CSGALNACT1: variants seen among roughly 807,000 people sequenced by gnomAD.
The protein encoded by CSGALNACT1 is beta4GalNAcT-1.
A neutral mutation model predicts 51.0 loss-of-function variants in CSGALNACT1; 52 were observed. The ratio of observed to expected loss-of-function variants is 1.02; its 90% CI spans 0.82 to 1.29. The LOEUF (loss-of-function observed/expected upper bound fraction) is 1.29, where lower values mean the gene tolerates loss of function less well. CSGALNACT1 is among the 50% of genes most tolerant of loss of function. CSGALNACT1 has a pLI of 0.00. For synonymous variants in CSGALNACT1, 341 were observed against 254.4 expected, an observed-to-expected ratio of 1.34 and a Z score of -3.24; for missense variants, 935 against 679.2, an observed-to-expected ratio of 1.38 and a Z score of -4.19.
chr8:19,472,912 A>G (rs995931313), intron 4 of CSGALNACT1, among the ~76,000 whole-genome samples: 3 of 152,212 alleles, frequency 2.0e-5, no homozygotes, highest in Non-Finnish European at 4.4e-5. Flanking sequence ...TATATGTAAA[A>G]CATTCATGCC....
rs191032068 is a variant in CSGALNACT1, at chr8:19,482,686, C to G, written c.634+22515G>C. On this transcript the variant is annotated intron_variant, in intron 4 of 9. Transcript: ENST00000454498. ...TGCCTATAACATAATTGTGGGTGGT[C>G]CTCAAAGTTCCGATCACAGATCGCT... is the stretch of plus-strand genomic sequence containing the variant. Among the ~76,000 whole-genome samples the G allele has an allele frequency of 3.5e-4, 53 of 152,248 alleles. No homozygotes were observed. The Middle Eastern group carries it at 0.01, about 29-fold the overall frequency.
intron 3 of CSGALNACT1, among the ~76,000 whole-genome samples, chr8:19,565,833 C>T (rs750968168): frequency 1.3e-5 from 2 of 152,208 alleles, no homozygotes; most frequent in Admixed American, 1.3e-4. Context: ...ATCGCTTGAA[C>T]CCAGGAGGCA....
chr8:19,726,383 C>G (rs1034275169), intron 1 of CSGALNACT1, among the ~76,000 whole-genome samples: 1 of 152,072 alleles, frequency 6.6e-6, no homozygotes, highest in Non-Finnish European at 1.5e-5. Context: ...TATACAACTA[C>G]TGTTGTGAAA....
chr8:19,547,093 A>T (rs562187427), intron 3 of CSGALNACT1, among the ~76,000 whole-genome samples: 17 of 152,228 alleles, frequency 1.1e-4, no homozygotes, highest in African/African-American at 3.9e-4. Context: ...AACAAATATA[A>T]AGTGATATCC....
chr8:19,566,800 A>T (rs1003855612), intron 3 of CSGALNACT1, among the ~76,000 whole-genome samples: 2 of 152,202 alleles, frequency 1.3e-5, no homozygotes, highest in Non-Finnish European at 2.9e-5. Flanking sequence ...GAGGATAACA[A>T]CAGGCTACCC....
intron 3 of CSGALNACT1, among the ~76,000 whole-genome samples, chr8:19,557,538 C>T (rs970092179): frequency 6.6e-6 from 1 of 152,152 alleles, no homozygotes; most frequent in Non-Finnish European, 1.5e-5. Flanking sequence ...GCCACACAGG[C>T]CTATTCGTTG....
upstream of CSGALNACT1, among the ~76,000 whole-genome samples, chr8:19,685,414 T>A (rs1270344852): frequency 1.3e-5 from 2 of 152,154 alleles, no homozygotes; most frequent in African/African-American, 4.8e-5. Flanking sequence ...ATGGGAGGAT[T>A]GCCAGAGGCT....
At chr8:19,623,350 A>C (rs1050730308) in intron 1 of CSGALNACT1, among the ~76,000 whole-genome samples, 3 of 152,236 alleles carry the variant, frequency 2.0e-5, no homozygotes, top group African/African-American at 7.2e-5. Context: ...CACAGAGGAA[A>C]CAGGAAAAAC....
At chr8:19,586,908 C>T (rs528733921) in intron 3 of CSGALNACT1, among the ~76,000 whole-genome samples, 2 of 152,140 alleles carry the variant, frequency 1.3e-5, no homozygotes, top group Non-Finnish European at 2.9e-5. Context: ...TATTTGATCA[C>T]GAAATTCTTC....
rs531554637 is a variant in CSGALNACT1, at chr8:19,735,137, A to G, written c.-297+22713T>C. On this transcript the variant is annotated intron_variant, in intron 1 of 1. Transcript: ENST00000517494. ...ATGCAGCAGCCTTAGGAGGTAAATT[A>G]GAAAAATATGATTCAAGAAAGCAAG... is the stretch of plus-strand genomic sequence containing the variant. 2.0e-5 allele frequency among the ~76,000 whole-genome samples: 3 copies of G among 152,292 alleles called. No homozygotes were observed. The South Asian group carries it at 6.2e-4, about 32-fold the overall frequency.
chr8:19,557,074 T>C (rs2039625713), intron 3 of CSGALNACT1, among the ~76,000 whole-genome samples: 1 of 152,140 alleles, frequency 6.6e-6, no homozygotes. Context: ...TAAAATGCTT[T>C]ATTCAGGTGA....
intron 1 of CSGALNACT1, among the ~76,000 whole-genome samples, chr8:19,619,504 G>A (rs928490805): frequency 2.6e-5 from 4 of 151,998 alleles, no homozygotes; most frequent in Non-Finnish European, 4.4e-5. Context: ...CTGGAGAGGT[G>A]AAGACTGGAG....
At chr8:19,554,304 T>C (rs1268463894) in intron 3 of CSGALNACT1, among the ~76,000 whole-genome samples, 1 of 152,050 alleles carries the variant, frequency 6.6e-6, no homozygotes, top group Non-Finnish European at 1.5e-5. Flanking sequence ...TGAAGGAAAA[T>C]AAGTTGGTTA....
chr8:19,516,642 C>T (rs552621845), intron 3 of CSGALNACT1, among the ~76,000 whole-genome samples: 2 of 152,364 alleles, frequency 1.3e-5, no homozygotes, highest in South Asian at 2.1e-4. Context: ...GTCCCTGCAA[C>T]TAGGGCCAGG....
intron 3 of CSGALNACT1, among the ~76,000 whole-genome samples, chr8:19,527,398 C>G (rs1182693979): frequency 6.6e-6 from 1 of 152,042 alleles, no homozygotes; most frequent in African/African-American, 2.4e-5. Flanking sequence ...CCCAGGAGTT[C>G]AAGACCAGCC....
chr8:19,669,609 T>C (rs994228279), intron 1 of CSGALNACT1, among the ~76,000 whole-genome samples: 13 of 152,134 alleles, frequency 8.5e-5, no homozygotes, highest in African/African-American at 2.7e-4. Flanking sequence ...CCTGCCACCA[T>C]GCCTGGCCAG....
intron 5 of CSGALNACT1, among the ~76,000 whole-genome samples, chr8:19,447,567 G>A (rs902940960): frequency 2.6e-5 from 4 of 152,174 alleles, no homozygotes; most frequent in African/African-American, 7.2e-5. Flanking sequence ...GTGCTGTGAT[G>A]TACACAATAG....
intron 1 of CSGALNACT1, among the ~76,000 whole-genome samples, chr8:19,609,734 G>T (rs1426559922): frequency 6.6e-6 from 1 of 151,988 alleles, no homozygotes; most frequent in Non-Finnish European, 1.5e-5. Context: ...ACCTTTTCTG[G>T]GGATGTATAT....
chr8:19,612,906 CCTT>C (rs979263058), intron 1 of CSGALNACT1, among the ~76,000 whole-genome samples: 1 of 129,260 alleles, frequency 7.7e-6, no homozygotes, highest in Non-Finnish European at 1.6e-5. Flanking sequence ...ACCCGTAAAA[CCTT>C]CTCCTTTATC....
Sources: gnomAD v4.1 joint callset for allele counts (sites outside exome capture counted in the v4.1 genomes callset) on GRCh38, gnomAD v4.1.1 for gene constraint, MANE v1.5 for transcripts, NCBI Gene and HGNC (gene_info 2026-07-23, HGNC 2026-07-21) for gene names.